The following SNTG2 variants were observed in gnomAD, a reference collection of about 807,000 sequenced individuals.
SNTG2 encodes the protein gamma-2-syntrophin.
In SNTG2, 74 loss-of-function variants were observed where a neutral mutation model predicts 70.9. That is an observed-to-expected ratio of 1.04 (90% CI 0.86 to 1.27). SNTG2 has a LOEUF of 1.27. Among genes scored for constraint, SNTG2 ranks in the 50% most tolerant of loss-of-function variants. The probability of loss-of-function intolerance (pLI) is 0.00; values close to 1 mark genes in which losing one functional copy is unlikely to be tolerated. For missense variants in SNTG2, 717 were observed against 690.7 expected (o/e 1.04, Z -0.43); for synonymous variants, 278 against 273.8 (o/e 1.02, Z -0.15).
intron 1 of SNTG2, among the ~76,000 whole-genome samples, chr2:998,115 C>T (rs868202073): frequency 2.0e-5 from 3 of 152,150 alleles, no homozygotes; most frequent in South Asian, 2.1e-4. Context: ...GATGACTCTA[C>T]ACAACATACA....
In SNTG2 at chr2:1,024,743, C is replaced by T. The variant is rs182101780; in HGVS notation, c.73-58775C>T. 1.1e-4 allele frequency among the ~76,000 whole-genome samples: 16 copies of T among 151,980 alleles called. No individual in the cohort carries two copies. The East Asian group carries it at 3.1e-3, about 29-fold the overall frequency. On this transcript the variant is annotated intron_variant, in intron 1 of 16. Transcript: ENST00000308624. The stretch of plus-strand genomic sequence containing the variant: ...ATAATGAAAAGATGAGAATTAATAC[C>T]CAAGGCTCTTTGAAAAATAAAGTAA...
At chr2:1,227,885 A>G (rs761720394) in intron 9 of SNTG2, among the ~76,000 whole-genome samples, 3 of 152,182 alleles carry the variant, frequency 2.0e-5, no homozygotes, top group Non-Finnish European at 4.4e-5. Flanking sequence ...TGTGGCACCA[A>G]ACACCGCTCT....
intron 1 of SNTG2, among the ~76,000 whole-genome samples, chr2:1,022,897 C>T (rs1274020118): frequency 1.3e-5 from 2 of 152,126 alleles, no homozygotes; most frequent in Admixed American, 6.5e-5. Flanking sequence ...GGCCTAGGGA[C>T]TGTCGTCTGG....
chr2:1,167,838 A>G (rs28684498), intron 7 of SNTG2, among the ~76,000 whole-genome samples: 9,516 of 28,160 alleles, frequency 0.34, 1,294 homozygotes, highest in African/African-American at 0.53. Flanking sequence ...CCCACAGACG[A>G]CAGAACTGAA....
chr2:987,416 G>C (rs1456368882), intron 1 of SNTG2, among the ~76,000 whole-genome samples: 1 of 152,110 alleles, frequency 6.6e-6, no homozygotes, highest in Non-Finnish European at 1.5e-5. Context: ...CTGGGGTGGA[G>C]ACCTTCTGGG....
rs114223691 is a variant in SNTG2 at position 1,260,262 on chromosome 2, A to C, written c.1077+821A>C. On this transcript the variant is annotated intron_variant, in intron 13 of 16. Coordinates refer to ENST00000308624, the MANE Select transcript of SNTG2 (RefSeq NM_018968.4). The stretch of plus-strand genomic sequence containing the variant: ...AATATCCTCAAAAATAATATTCTCT[A>C]TCTGTAGTTGCTTTATTTTAAATTT... Among the ~76,000 whole-genome samples, 598 of 152,308 alleles carry C rather than the reference A, an allele frequency of 3.9e-3. 5 individuals carry two copies. Among genetic ancestry groups the C allele is most frequent in the African/African-American group, 0.014 (570 of 41,568 alleles).
At chr2:984,925 C>T (rs534680889) in intron 1 of SNTG2, among the ~76,000 whole-genome samples, 1 of 152,128 alleles carries the variant, frequency 6.6e-6, no homozygotes, top group South Asian at 2.1e-4. Flanking sequence ...TGACATGAAC[C>T]TATTTGTTTC....
chr2:1,275,009 G>A (rs568605205), intron 14 of SNTG2, among the ~76,000 whole-genome samples: 7 of 152,328 alleles, frequency 4.6e-5, no homozygotes, highest in Non-Finnish European at 7.3e-5. Flanking sequence ...AGAGGAAGCC[G>A]ACATGTGCAA....
intron 1 of SNTG2, among the ~76,000 whole-genome samples, chr2:1,052,170 G>A (rs1662115081): frequency 6.6e-6 from 1 of 151,834 alleles, no homozygotes; most frequent in South Asian, 2.1e-4. Flanking sequence ...GGTAGTCATT[G>A]TTTTTCTATT....
intron 6 of SNTG2, chr2:1,160,817 C>A (rs1670222143): frequency 6.6e-6 from 1 of 152,310 alleles, no homozygotes; most frequent in Admixed American, 6.5e-5. Flanking sequence ...CAGGAAGGAT[C>A]TGGCACCTTG....
intron 16 of SNTG2, among the ~76,000 whole-genome samples, chr2:1,348,727 G>A (rs767806110): frequency 1.2e-4 from 18 of 152,142 alleles, no homozygotes; most frequent in African/African-American, 2.4e-4. Flanking sequence ...TCCCGAGGGC[G>A]GTGTCACAGG....
intron 9 of SNTG2, among the ~76,000 whole-genome samples, chr2:1,224,174 A>G (rs1675593461): frequency 6.6e-6 from 1 of 152,114 alleles, no homozygotes; most frequent in Non-Finnish European, 1.5e-5. Context: ...CCCACCTTCC[A>G]ACACGACTGC....
At chr2:1,205,101 G>GT (rs1673548227) in intron 8 of SNTG2, among the ~76,000 whole-genome samples, 1 of 152,112 alleles carries the variant, frequency 6.6e-6, no homozygotes, top group South Asian at 2.1e-4. Flanking sequence ...TTTCTAGAAT[G>GT]TGGTTGTATT....
At chr2:985,405 ATG>A (rs1189322447) in intron 1 of SNTG2, among the ~76,000 whole-genome samples, 2 of 151,736 alleles carry the variant, frequency 1.3e-5, no homozygotes, top group African/African-American at 2.4e-5. Flanking sequence ...GAGCTCAGGG[ATG>A]TGTCTTTTTT....
In SNTG2 at chr2:1,135,486, G is replaced by A. The variant is rs184521152; in HGVS notation, c.326-2136G>A. 5.5e-3 allele frequency among the ~76,000 whole-genome samples: 841 copies of A among 152,306 alleles called. 6 individuals carry two copies. The highest frequency in any genetic ancestry group is 0.012 in the Admixed American group (186 of 15,300). On this transcript the variant is annotated intron_variant, in intron 4 of 16. Transcript: ENST00000308624. ...TGTAATCCCAGCACTTTGGGAGGCC[G>A]AGGCGGGCAGATCACCTGAGGTCAG...
chr2:1,200,901 A>G (rs1472672813), intron 8 of SNTG2, among the ~76,000 whole-genome samples: 4 of 151,918 alleles, frequency 2.6e-5, no homozygotes. Context: ...AAAATTACAG[A>G]CTCTGGAAGG....
At chr2:1,090,022 T>C (rs13424687) in intron 2 of SNTG2, among the ~76,000 whole-genome samples, 29,957 of 152,208 alleles carry the variant, frequency 0.2, 3,172 homozygotes, top group South Asian at 0.27. Context: ...CATTTTTAAA[T>C]TCTTCCTTCA....
At chr2:1,230,047 T>C (rs1243520155) in intron 9 of SNTG2, among the ~76,000 whole-genome samples, 1 of 152,156 alleles carries the variant, frequency 6.6e-6, no homozygotes, top group Non-Finnish European at 1.5e-5. Context: ...GCTCCCACAG[T>C]GCAGCGGTGG....
At chr2:1,067,880 C>A (rs145192840) in intron 1 of SNTG2, among the ~76,000 whole-genome samples, 1 of 152,302 alleles carries the variant, frequency 6.6e-6, no homozygotes, top group East Asian at 1.9e-4. Flanking sequence ...CAGTGCATCG[C>A]TTTCCCCGGG....
Sources: allele counts gnomAD v4.1 joint callset (sites outside exome capture counted in the v4.1 genomes callset), GRCh38; gene constraint gnomAD v4.1.1; transcripts MANE v1.5; gene names NCBI Gene and HGNC (gene_info 2026-07-23, HGNC 2026-07-21).